The following RBMS1 variants were observed in gnomAD, a reference collection of about 807,000 sequenced individuals.
RBMS1 encodes RNA binding motif single stranded interacting protein 1.
A neutral mutation model predicts 62.3 loss-of-function variants in RBMS1; 17 were observed. The observed-to-expected ratio is 0.27, with a 90% CI of 0.19 to 0.41. RBMS1 has a LOEUF of 0.41. Ranked by LOEUF, RBMS1 falls within the 10% of genes least tolerant of loss-of-function variation. RBMS1 has a pLI of 1.00. For missense variants in RBMS1, 334 were observed against 504.5 expected (o/e 0.66, Z 3.24); for synonymous variants, 172 against 170.0 (o/e 1.01, Z -0.09).
chr2:160,403,258 T>C (rs1695528322), intron 1 of RBMS1, among the ~76,000 whole-genome samples: 1 of 152,234 alleles, frequency 6.6e-6, no homozygotes, highest in African/African-American at 2.4e-5. Context: ...CCAATTTACC[T>C]TTCTGCTACT....
intron 1 of RBMS1, among the ~76,000 whole-genome samples, chr2:160,435,594 A>G (rs1354379575): frequency 6.6e-6 from 1 of 152,198 alleles, no homozygotes; most frequent in Non-Finnish European, 1.5e-5. Context: ...TGTATTTTGG[A>G]GGACCTTTTA....
intron 2 of RBMS1, among the ~76,000 whole-genome samples, chr2:160,332,214 C>A (rs1370903127): frequency 6.6e-6 from 1 of 152,092 alleles, no homozygotes; most frequent in Non-Finnish European, 1.5e-5. Context: ...GAGGACTGGA[C>A]TTCTTGTTGA....
chr2:160,311,243 T>TATATATAG lies in RBMS1; in HGVS notation c.402+1912_402+1913insCTATATAT, dbSNP rs1689888416. On this transcript the variant is annotated intron_variant, in intron 4 of 13. Coordinates refer to ENST00000348849, the MANE Select transcript of RBMS1 (RefSeq NM_016836.4). ...ATCTATCTATCTATCTATATATATA[T>TATATATAG]ATATATATATATATAGTCTGTTTAT... 1.4e-5 allele frequency among the ~76,000 whole-genome samples: 2 copies of TATATATAG among 138,304 alleles called. 1 individual carries two copies. The highest frequency in any genetic ancestry group is 3.1e-5 in the Non-Finnish European group (2 of 64,358). The allele number at this position is 138,304 out of a possible 152,430, so 90.7% of individuals were successfully genotyped here. A position where few individuals can be genotyped will look rare whatever the true frequency, so the allele number is the denominator to read the frequency against.
At chr2:160,439,026 C>A (rs947501049) in intron 1 of RBMS1, among the ~76,000 whole-genome samples, 1 of 147,974 alleles carries the variant, frequency 6.8e-6, no homozygotes, top group African/African-American at 2.5e-5. Context: ...GCTGACCCCC[C>A]AATCTCCCTC....
Position 160,493,521 on chromosome 2 carries a change from G to GTCCTCCTCCTACTCCTCCTCT in RBMS1, c.-159_-158insAGAGGAGGAGTAGGAGGAGGA. 3 of 621,538 alleles carry GTCCTCCTCCTACTCCTCCTCT rather than the reference G, an allele frequency of 4.8e-6. No individual in the cohort carries two copies. The highest frequency in any genetic ancestry group is 5.6e-5 in the East Asian group (2 of 35,406). 38.5% of individuals were successfully genotyped at this position (621,538 alleles called of 1,614,324 possible). A position where few individuals can be genotyped will look rare whatever the true frequency, so the allele number is the denominator to read the frequency against. On this transcript the variant is annotated 5_prime_UTR_variant, in exon 1 of 14. Coordinates refer to ENST00000348849, the MANE Select transcript of RBMS1 (RefSeq NM_016836.4). ...CTCCACCTCCCAGCCGGGACCAGACGTCCTCCTCCTCCTCCTCCTCTTCCT... is the reference window on the plus strand; with the variant it reads ...CTCCACCTCCCAGCCGGGACCAGACGTCCTCCTCCTACTCCTCCTCTTCCTCCTCCTCCTCCTCCTCTTCCT...
intron 1 of RBMS1, among the ~76,000 whole-genome samples, chr2:160,429,038 G>A (rs954653183): frequency 1.3e-5 from 2 of 151,868 alleles, no homozygotes; most frequent in Non-Finnish European, 2.9e-5. Flanking sequence ...TCTATGTAAA[G>A]ATTGTTTCAA....
At position 160,457,357 on chromosome 2, in the gene RBMS1, C is replaced by T. The variant is rs373505495; in HGVS notation, c.75+35932G>A. ...GTTGGTCAGGCTGGTCTCTAACTCC[C>T]GACCTCAGGTGATCTGCCTGCCTCA... is the stretch of plus-strand genomic sequence containing the variant. On this transcript the variant is annotated intron_variant, in intron 1 of 13. Transcript: ENST00000348849. Among the ~76,000 whole-genome samples the T allele has an allele frequency of 5.9e-5, 9 of 152,104 alleles. 1 individual carries two copies. In the East Asian group the frequency reaches 1.2e-3, roughly 20 times the overall value.
chr2:160,282,256 C>T (rs756039729), intron 9 of RBMS1: 1 of 1,367,858 alleles, frequency 7.3e-7, no homozygotes, highest in Non-Finnish European at 9.8e-7. Context: ...TTGCGATTTA[C>T]CTTGATAGCA....
At chr2:160,351,966 T>C (rs559261300) in intron 2 of RBMS1, among the ~76,000 whole-genome samples, 51 of 151,938 alleles carry the variant, frequency 3.4e-4, no homozygotes, top group Middle Eastern at 6.8e-3. Context: ...AAGACAAAAA[T>C]AGATATAAAG....
rs189256425 is a variant in RBMS1 at position 160,291,251 on chromosome 2, C to T, written c.641-4167G>A. On this transcript the variant is annotated intron_variant, in intron 6 of 13. Transcript: ENST00000348849. ...TAACAGGTGGAGAAACTGTCACTTC[C>T]AAACTTCCATCTTTCTAGTTATGCT... is the stretch of plus-strand genomic sequence containing the variant. Among the ~76,000 whole-genome samples, 8 of 152,282 alleles carry T rather than the reference C, an allele frequency of 5.3e-5. No individual in the cohort carries two copies. In the South Asian group the frequency reaches 6.2e-4, roughly 12 times the overall value.
intron 1 of RBMS1, chr2:160,407,826 G>A: frequency 5.1e-6 from 5 of 981,252 alleles, no homozygotes; most frequent in Non-Finnish European, 6.0e-6. Context: ...GGAGCTGGCG[G>A]CGTCGCCGAC....
chr2:160,409,915 TAAG>T (rs1695955379), intron 1 of RBMS1, among the ~76,000 whole-genome samples: 1 of 152,108 alleles, frequency 6.6e-6, no homozygotes, highest in African/African-American at 2.4e-5. Flanking sequence ...TAAGATATAC[TAAG>T]AATACTAAAA....
At chr2:160,375,356 T>C (rs1384179192) in intron 1 of RBMS1, among the ~76,000 whole-genome samples, 1 of 152,198 alleles carries the variant, frequency 6.6e-6, no homozygotes, top group African/African-American at 2.4e-5. Context: ...TCATAAGTGA[T>C]TCTAAGAAAA....
intron 1 of RBMS1, among the ~76,000 whole-genome samples, chr2:160,471,691 G>GTATATATATATATATA (rs368982549): frequency 0.023 from 1,489 of 65,598 alleles, 104 homozygotes; most frequent in Middle Eastern, 0.044. Context: ...ATCCTTTGGT[G>GTATATATATATATATA]TATATATATA....
At chr2:160,422,377 T>C (rs529713660) in intron 1 of RBMS1, among the ~76,000 whole-genome samples, 1 of 152,330 alleles carries the variant, frequency 6.6e-6, no homozygotes, top group Admixed American at 6.5e-5. Flanking sequence ...TATCATCAAG[T>C]TCTGTAATTC....
intron 1 of RBMS1, among the ~76,000 whole-genome samples, chr2:160,478,931 GA>G (rs1196461108): frequency 6.6e-6 from 1 of 152,148 alleles, no homozygotes; most frequent in Non-Finnish European, 1.5e-5. Context: ...ATAGCGCAGG[GA>G]AAAAAACAGA....
chr2:160,365,815 C>T (rs778318936), intron 2 of RBMS1, among the ~76,000 whole-genome samples: 1 of 152,178 alleles, frequency 6.6e-6, no homozygotes, highest in Non-Finnish European at 1.5e-5. Context: ...CATAAGACAA[C>T]GCCACTGAAA....
intron 2 of RBMS1, among the ~76,000 whole-genome samples, chr2:160,335,960 C>G (rs1691545300): frequency 6.6e-6 from 1 of 152,134 alleles, no homozygotes; most frequent in African/African-American, 2.4e-5. Flanking sequence ...TAATTCAAAC[C>G]TTTAGCCAAA....
chr2:160,316,344 C>T (rs1239475031), intron 3 of RBMS1, among the ~76,000 whole-genome samples: 3 of 152,062 alleles, frequency 2.0e-5, no homozygotes, highest in Non-Finnish European at 4.4e-5. Context: ...AGCAGAGAGC[C>T]CTGGAAGGTT....
Sources: allele counts gnomAD v4.1 joint callset (sites outside exome capture counted in the v4.1 genomes callset), GRCh38; gene constraint gnomAD v4.1.1; transcripts MANE v1.5; gene names NCBI Gene and HGNC (gene_info 2026-07-23, HGNC 2026-07-21).